DCDC1: variants seen among roughly 807,000 people sequenced by gnomAD.
DCDC1 encodes the protein doublecortin domain containing 1, also known as doublecortin domain-containing protein 1.
DCDC1 carries 200 observed loss-of-function variants against 178.3 expected under a neutral mutation model. The ratio of observed to expected loss-of-function variants is 1.12; its 90% CI spans 1.00 to 1.26. The LOEUF is 1.26. Ranked by LOEUF, DCDC1 falls within the 50% of genes most tolerant of loss-of-function variation. The pLI is 0.00. For missense variants in DCDC1, 1,983 were observed against 1,749.2 expected (o/e 1.13, Z -2.38); for synonymous variants, 690 against 604.8 (o/e 1.14, Z -2.07).
intron 20 of DCDC1, among the ~76,000 whole-genome samples, chr11:30,999,553 C>T (rs982808248): frequency 2.6e-5 from 4 of 152,088 alleles, no homozygotes; most frequent in Non-Finnish European, 5.9e-5. Flanking sequence ...AAAGTGGCAA[C>T]ATGTGAACGT....
At position 31,014,950 on chromosome 11, in the gene DCDC1, CT is replaced by C. The variant is rs1240423918; in HGVS notation, c.2591+49518del. 2.0e-3 allele frequency among the ~76,000 whole-genome samples: 282 copies of C among 141,140 alleles called. 1 individual carries two copies. The highest frequency in any genetic ancestry group is 4.1e-3 in the South Asian group (18 of 4,436). The allele number at this position is 141,140 out of a possible 152,430, so 92.6% of individuals were successfully genotyped here. A position where few individuals can be genotyped will look rare whatever the true frequency, so the allele number is the denominator to read the frequency against. On this transcript the variant is annotated intron_variant, in intron 20 of 38. Coordinates refer to ENST00000684477, the MANE Select transcript of DCDC1 (RefSeq NM_001387274.1). ...TTAAAGCATCTAACATTCTCCTTTT[CT>C]TTTTTTTTTTTTTTGAGATGGAGTC... is the stretch of plus-strand genomic sequence containing the variant.
intron 11 of DCDC1, among the ~76,000 whole-genome samples, chr11:31,113,695 G>T (rs1481622403): frequency 1.3e-5 from 2 of 151,986 alleles, no homozygotes; most frequent in Non-Finnish European, 2.9e-5. Flanking sequence ...ATCATTGATG[G>T]ACATTTGGGC....
rs762345392 is a variant in DCDC1 at position 30,947,467 on chromosome 11, C to A, written c.2715+4978G>T. 6.0e-4 allele frequency among the ~76,000 whole-genome samples: 91 copies of A among 152,120 alleles called. 1 individual carries two copies. Among genetic ancestry groups the A allele is most frequent in the Non-Finnish European group, 2.5e-4 (17 of 68,010 alleles). ...CTAAGAACATACCATGGGAAAAGGA[C>A]ACCTTCTTCAATAAATGGTGCTGGG... On this transcript the variant is annotated intron_variant, in intron 21 of 38. Coordinates refer to ENST00000684477, the MANE Select transcript of DCDC1 (RefSeq NM_001387274.1).
intron 36 of DCDC1, among the ~76,000 whole-genome samples, chr11:30,885,737 C>T (rs966368605): frequency 6.6e-6 from 1 of 151,998 alleles, no homozygotes; most frequent in African/African-American, 2.4e-5. Context: ...TCAATATCTA[C>T]CTATGGGAGC....
chr11:30,974,510 C>A (rs1949996203), intron 20 of DCDC1, among the ~76,000 whole-genome samples: 1 of 151,652 alleles, frequency 6.6e-6, no homozygotes, highest in Admixed American at 6.6e-5. Flanking sequence ...CCAAATAAAC[C>A]CAGAAATGAA....
At chr11:30,884,957 T>C (rs1280492616) in intron 36 of DCDC1, among the ~76,000 whole-genome samples, 2 of 152,000 alleles carry the variant, frequency 1.3e-5, no homozygotes, top group African/African-American at 4.8e-5. Context: ...AATTCATCTT[T>C]AAAAATCAAC....
chr11:31,041,131 G>A (rs1023729801), intron 20 of DCDC1, among the ~76,000 whole-genome samples: 2 of 152,178 alleles, frequency 1.3e-5, no homozygotes, highest in African/African-American at 4.8e-5. Flanking sequence ...GTTGTGCACT[G>A]TTCCATGCTC....
intron 20 of DCDC1, among the ~76,000 whole-genome samples, chr11:30,976,052 T>G (rs192037516): frequency 2.0e-3 from 300 of 151,890 alleles, no homozygotes; most frequent in Non-Finnish European, 2.9e-3. Flanking sequence ...TAAAAATAAA[T>G]CCACATATTT....
intron 36 of DCDC1, among the ~76,000 whole-genome samples, chr11:30,888,140 A>AAG (rs1405846982): frequency 1.3e-4 from 19 of 145,606 alleles, no homozygotes; most frequent in Non-Finnish European, 2.7e-4. Flanking sequence ...GAAAGAAAGA[A>AAG]AGAAAGAAAG....
chr11:31,266,572 C>T (rs552484559), intron 7 of DCDC1, among the ~76,000 whole-genome samples: 1 of 152,158 alleles, frequency 6.6e-6, no homozygotes, highest in Non-Finnish European at 1.5e-5. Flanking sequence ...CTATTCCCAG[C>T]TATAATATTA....
intron 27 of DCDC1, among the ~76,000 whole-genome samples, chr11:30,912,820 T>A (rs1038104728): frequency 2.0e-5 from 3 of 152,182 alleles, no homozygotes; most frequent in African/African-American, 7.2e-5. Context: ...ATATGTAATG[T>A]ACATGGGTAT....
intron 8 of DCDC1, among the ~76,000 whole-genome samples, chr11:31,253,788 C>A (rs1003185540): frequency 6.6e-6 from 1 of 152,084 alleles, no homozygotes. Flanking sequence ...ATAACTAATA[C>A]CAATTTTAGA....
intron 6 of DCDC1, among the ~76,000 whole-genome samples, chr11:31,300,491 A>G (rs1948030964): frequency 6.6e-6 from 1 of 152,132 alleles, no homozygotes; most frequent in African/African-American, 2.4e-5. Flanking sequence ...TACTTCATCT[A>G]TATTACAGAT....
At chr11:31,121,648 C>T (rs1960823866) in intron 11 of DCDC1, among the ~76,000 whole-genome samples, 1 of 151,586 alleles carries the variant, frequency 6.6e-6, no homozygotes, top group South Asian at 2.1e-4. Context: ...AAAAGCAGCT[C>T]AGAGGATTTT....
intron 11 of DCDC1, among the ~76,000 whole-genome samples, chr11:31,112,083 G>T (rs960810084): frequency 6.6e-6 from 1 of 152,124 alleles, no homozygotes; most frequent in Non-Finnish European, 1.5e-5. Flanking sequence ...TATTTTAGTG[G>T]TTATATAAAA....
At chr11:31,004,718 A>C (rs1951750126) in intron 20 of DCDC1, among the ~76,000 whole-genome samples, 1 of 150,860 alleles carries the variant, frequency 6.6e-6, no homozygotes, top group Admixed American at 6.6e-5. Flanking sequence ...AGTTAAGGTC[A>C]GACTGACGGG....
At chr11:31,214,390 T>C (rs1261192041) in intron 9 of DCDC1, among the ~76,000 whole-genome samples, 1 of 152,198 alleles carries the variant, frequency 6.6e-6, no homozygotes, top group Non-Finnish European at 1.5e-5. Flanking sequence ...AAAGTAGATT[T>C]AAACATTTAA....
chr11:30,903,871 T>G, intron 31 of DCDC1, 188 bp from the exon 32 acceptor site: 1 of 439,648 alleles, frequency 2.3e-6, no homozygotes, highest in Non-Finnish European at 3.8e-6. Flanking sequence ...CCTACCTAAT[T>G]TCACAACAGT....
intron 20 of DCDC1, among the ~76,000 whole-genome samples, chr11:31,039,532 G>T (rs1224936044): frequency 6.6e-6 from 1 of 152,044 alleles, no homozygotes; most frequent in Non-Finnish European, 1.5e-5. Context: ...GGTAATAAGT[G>T]CAAAATGAAG....
Sources: gnomAD v4.1 joint callset for allele counts (sites outside exome capture counted in the v4.1 genomes callset) on GRCh38, gnomAD v4.1.1 for gene constraint, MANE v1.5 for transcripts, NCBI Gene and HGNC (gene_info 2026-07-23, HGNC 2026-07-21) for gene names.